The following MCM10 variants were observed in gnomAD, a reference collection of about 807,000 sequenced individuals.
The protein encoded by MCM10 is protein MCM10 homolog.
In MCM10, 91 loss-of-function variants were observed where a neutral mutation model predicts 109.9. The ratio of observed to expected loss-of-function variants is 0.83; its 90% CI spans 0.70 to 0.99. The LOEUF (loss-of-function observed/expected upper bound fraction) is 0.99, where lower values mean the gene tolerates loss of function less well. Ranked by LOEUF, MCM10 falls within the 50% of genes least tolerant of loss-of-function variation. The pLI is 0.00. For synonymous variants in MCM10, 380 were observed against 387.2 expected (o/e 0.98, Z 0.22); for missense variants, 1,077 against 1,061.2 (o/e 1.01, Z -0.21).
chr10:13,163,544 T>TA (rs1833955437), intron 1 of MCM10, among the ~76,000 whole-genome samples: 1 of 152,194 alleles, frequency 6.6e-6, no homozygotes, highest in African/African-American at 2.4e-5. Flanking sequence ...CTTTGCTGAC[T>TA]AGTATTGAAT....
At chr10:13,168,776 T>C (rs1834033888) in intron 2 of MCM10, among the ~76,000 whole-genome samples, 1 of 152,172 alleles carries the variant, frequency 6.6e-6, no homozygotes, top group African/African-American at 2.4e-5. Context: ...ACATCAGATA[T>C]TGATGAGGTG....
At chr10:13,164,295 T>C (rs1833966579) in intron 2 of MCM10, 86 bp downstream of exon 2, 5 of 1,314,042 alleles carry the variant, frequency 3.8e-6, no homozygotes, top group African/African-American at 1.5e-5. Context: ...ACCTGTAAAA[T>C]GGTGAAAATG....
chr10:13,183,126 T>C (rs373031582), intron 8 of MCM10, 26 bp downstream of exon 8: 107 of 1,603,142 alleles, frequency 6.7e-5, no homozygotes, highest in Non-Finnish European at 8.2e-5. Flanking sequence ...TGGGATTTGA[T>C]TGATGATTGT....
chr10:13,168,307 C>T (rs1490023567), intron 2 of MCM10, among the ~76,000 whole-genome samples: 1 of 152,224 alleles, frequency 6.6e-6, no homozygotes, highest in Non-Finnish European at 1.5e-5. Flanking sequence ...CCTTATACAA[C>T]CTCTGACTGA....
At chr10:13,208,566 C>A (rs200866773) in intron 18 of MCM10, among the ~76,000 whole-genome samples, 148 of 114,360 alleles carry the variant, frequency 1.3e-3, no homozygotes, top group East Asian at 2.1e-3. Context: ...CCCATCTCTC[C>A]AAAAAAAAAA....
rs373049491 is a variant in MCM10, at chr10:13,209,075, A to G, written c.2499-16A>G. On this transcript the variant is annotated splice_polypyrimidine_tract_variant and intron_variant, in intron 18 of 19. Transcript: ENST00000378714. ...CTACACCACCCTGCTGAGTAAATCCATCTGTTCTGTTTCAGTAACTGTGGC... is the reference window on the plus strand; with the variant it reads ...CTACACCACCCTGCTGAGTAAATCCGTCTGTTCTGTTTCAGTAACTGTGGC... The G allele has an allele frequency of 1.9e-6, 3 of 1,605,326 alleles. No individual in the cohort carries two copies. Among genetic ancestry groups the G allele is most frequent in the Non-Finnish European group, 2.6e-6 (3 of 1,172,112 alleles).
chr10:13,200,140 T>G (rs563751447), intron 16 of MCM10, among the ~76,000 whole-genome samples: 2 of 152,264 alleles, frequency 1.3e-5, no homozygotes, highest in East Asian at 3.9e-4. Flanking sequence ...ATTTTTTTTT[T>G]TAGAGACAGG....
rs1356137198 is a variant in MCM10, at chr10:13,192,330, A to G, written c.1592A>G (p.Asn531Ser). 6.2e-7 allele frequency: 1 copy of G among 1,614,066 alleles called. No homozygotes were observed. Among genetic ancestry groups the G allele is most frequent in the African/African-American group, 1.3e-5 (1 of 75,038 alleles). Residue 531 changes from asparagine (N) to serine (S), a missense_variant, in exon 12 of 20, where the codon AAC (asparagine) becomes AGC (serine). Transcript: ENST00000378714. The stretch of plus-strand genomic sequence containing the variant: ...GACCTGCCGACGTGTGGAGCCAGGA[A>G]CTTAAAACAACATTTAGCCAAAGCC... ...LMDLPTCGAR[N>S]LKQHLAKATA...
At chr10:13,195,777 A>G (rs1338381380) in intron 14 of MCM10, among the ~76,000 whole-genome samples, 1 of 151,716 alleles carries the variant, frequency 6.6e-6, no homozygotes, top group African/African-American at 2.4e-5. Flanking sequence ...CGCCCGGCTA[A>G]TTTTTAGTAG....
In MCM10 at chr10:13,172,077, A is replaced by G. The variant is rs12269182; in HGVS notation, c.350-299A>G. ...GCACGAGCCACCATGCCTGGCCTATAATTATTTCTCAACTCCTAAAAACTT... is the reference window on the plus strand; with the variant it reads ...GCACGAGCCACCATGCCTGGCCTATGATTATTTCTCAACTCCTAAAAACTT... On this transcript the variant is annotated intron_variant, in intron 3 of 19. Coordinates refer to ENST00000378714, the MANE Select transcript of MCM10 (RefSeq NM_018518.5). This position sits in a 1 kb window ranked among gnomAD's most constrained non-coding sequence, Gnocchi z 5.2. Among the ~76,000 whole-genome samples, 5,569 of 152,022 alleles carry G rather than the reference A, an allele frequency of 0.037. 311 individuals carry two copies. The highest frequency in any genetic ancestry group is 0.13 in the African/African-American group (5,253 of 41,452).
chr10:13,171,598 T>C (rs1237352128), intron 3 of MCM10, among the ~76,000 whole-genome samples: 2 of 152,316 alleles, frequency 1.3e-5, no homozygotes, highest in African/African-American at 4.8e-5. Context: ...CACATATCTA[T>C]TTGAGCAGAG....
chr10:13,204,105 C>T (rs1292213300), intron 17 of MCM10, 114 bp from the exon 18 acceptor site: 5 of 1,305,790 alleles, frequency 3.8e-6, no homozygotes, highest in Non-Finnish European at 5.3e-6. Context: ...TAGCAAGGGC[C>T]CAGGTAGTGA....
intron 8 of MCM10, 34 bp from the exon 9 acceptor site, chr10:13,186,130 C>G (rs1234937165): frequency 8.1e-7 from 1 of 1,230,122 alleles, no homozygotes; most frequent in East Asian, 2.3e-5. Flanking sequence ...ATAATTTTGT[C>G]CGCCTTTAAC....
chr10:13,187,721 T>G (rs550083519), intron 9 of MCM10, among the ~76,000 whole-genome samples: 1 of 152,342 alleles, frequency 6.6e-6, no homozygotes, highest in African/African-American at 2.4e-5. Context: ...GGTTTAATCT[T>G]TTTTTATTCC....
At chr10:13,187,118 C>G (rs1470240365) in intron 9 of MCM10, among the ~76,000 whole-genome samples, 1 of 152,166 alleles carries the variant, frequency 6.6e-6, no homozygotes, top group East Asian at 1.9e-4. Context: ...ACCCAGTACC[C>G]ACTAGCAATC....
chr10:13,190,468 A>G (rs1467785920), intron 10 of MCM10, among the ~76,000 whole-genome samples: 1 of 152,172 alleles, frequency 6.6e-6, no homozygotes, highest in Non-Finnish European at 1.5e-5. Flanking sequence ...AGGATTGCTT[A>G]AGCCCAGGAA....
chr10:13,207,872 T>C (rs557352555), intron 18 of MCM10, among the ~76,000 whole-genome samples: 1 of 152,272 alleles, frequency 6.6e-6, no homozygotes, highest in Non-Finnish European at 1.5e-5. Flanking sequence ...ACGAGTAGAC[T>C]CTAAGCTAGG....
intron 14 of MCM10, among the ~76,000 whole-genome samples, chr10:13,196,212 C>T (rs191697377): frequency 2.7e-4 from 41 of 151,636 alleles, no homozygotes; most frequent in Admixed American, 1.8e-3. Context: ...AACCAAGAAT[C>T]CTTTAAAAGA....
intron 2 of MCM10, 74 bp downstream of exon 2, chr10:13,164,283 CTA>C (rs1833966351): frequency 7.0e-7 from 1 of 1,432,198 alleles, no homozygotes; most frequent in Non-Finnish European, 9.4e-7. Context: ...GTTATTTATT[CTA>C]CCTGTAAAAT....
Sources: allele counts gnomAD v4.1 joint callset (sites outside exome capture counted in the v4.1 genomes callset), GRCh38; gene constraint gnomAD v4.1.1; non-coding constraint Gnocchi (gnomAD v3.1); transcripts MANE v1.5; gene names NCBI Gene and HGNC (gene_info 2026-07-23, HGNC 2026-07-21).